Variants in ROBO2 observed in about 807,000 individuals in gnomAD.
ROBO2 encodes roundabout homolog 2.
A neutral mutation model predicts 160.8 loss-of-function variants in ROBO2; 53 were observed. The ratio of observed to expected loss-of-function variants is 0.33; its 90% CI spans 0.26 to 0.41. The LOEUF (loss-of-function observed/expected upper bound fraction) is 0.41. Among genes scored for constraint, ROBO2 ranks in the 10% least tolerant of loss-of-function variants. ROBO2 has a pLI of 1.00. For synonymous variants in ROBO2, 664 were observed against 611.7 expected, an observed-to-expected ratio of 1.09 and a Z score of -1.26; for missense variants, 1,577 against 1,722.4, an observed-to-expected ratio of 0.92 and a Z score of 1.49.
At chr3:77,461,325 C>T (rs974302653) in intron 2 of ROBO2, among the ~76,000 whole-genome samples, 1 of 151,804 alleles carries the variant, frequency 6.6e-6, no homozygotes, top group Non-Finnish European at 1.5e-5. Context: ...TGAATTTTAA[C>T]TAACATTTTA....
chr3:76,426,722 A>G (rs904661509), intron 2 of ROBO2, among the ~76,000 whole-genome samples: 13 of 151,740 alleles, frequency 8.6e-5, no homozygotes, highest in African/African-American at 3.1e-4. Context: ...GCTTGTAGGT[A>G]GAAGGATAGA....
intron 2 of ROBO2, among the ~76,000 whole-genome samples, chr3:76,791,458 T>TTTCTCTGTCTCTCA (rs2108736218): frequency 6.6e-6 from 1 of 151,772 alleles, no homozygotes; most frequent in African/African-American, 2.4e-5. Context: ...CATGTCTCTC[T>TTTCTCTGTCTCTCA]CTCTCTCTTT....
intron 2 of ROBO2, among the ~76,000 whole-genome samples, chr3:76,505,964 A>G (rs2080773907): frequency 6.6e-6 from 1 of 152,222 alleles, no homozygotes; most frequent in African/African-American, 2.4e-5. Context: ...CTATGATAGT[A>G]AGTCACATAA....
At chr3:77,475,279 G>C (rs899972918) in intron 2 of ROBO2, among the ~76,000 whole-genome samples, 2 of 152,112 alleles carry the variant, frequency 1.3e-5, no homozygotes, top group Non-Finnish European at 2.9e-5. Flanking sequence ...GTTGATGTTA[G>C]ATTTCTTGGC....
chr3:76,049,760 A>G (rs745845400), intron 2 of ROBO2, among the ~76,000 whole-genome samples: 23 of 152,058 alleles, frequency 1.5e-4, no homozygotes, highest in Non-Finnish European at 2.2e-4. Flanking sequence ...CAAACAAGGA[A>G]GATATGTGTG....
chr3:77,380,673 CTCCCTCCTTCCCTCCCTCCCTCCT>C (rs2073326660), intron 2 of ROBO2, among the ~76,000 whole-genome samples: 1 of 146,340 alleles, frequency 6.8e-6, no homozygotes, highest in South Asian at 2.3e-4. Flanking sequence ...CCCTCCCTCT[CTCCCTCCTTCCCTCCCTCCCTCCT>C]TCCCTCCCTT....
intron 2 of ROBO2, among the ~76,000 whole-genome samples, chr3:76,854,128 G>C (rs544510407): frequency 1.4e-5 from 2 of 145,158 alleles, no homozygotes; most frequent in Non-Finnish European, 3.0e-5. Flanking sequence ...CTAAAATTTT[G>C]TGCCTTGCTT....
chr3:77,340,706 T>G (rs1250546769), intron 2 of ROBO2, among the ~76,000 whole-genome samples: 1 of 152,130 alleles, frequency 6.6e-6, no homozygotes, highest in Non-Finnish European at 1.5e-5. Context: ...CTTTTGTATT[T>G]TAAAGCAGCT....
chr3:77,045,526 C>T (rs1398111543), intron 1 of ROBO2, among the ~76,000 whole-genome samples: 1 of 152,178 alleles, frequency 6.6e-6, no homozygotes, highest in Non-Finnish European at 1.5e-5. Context: ...GACGTCTTTG[C>T]TTCATGTCCA....
chr3:76,931,432 T>C (rs2077332920), intron 2 of ROBO2, among the ~76,000 whole-genome samples: 2 of 152,138 alleles, frequency 1.3e-5, no homozygotes, highest in Non-Finnish European at 2.9e-5. Flanking sequence ...CATGTGCCTC[T>C]TTTCCACCCA....
At chr3:76,987,832 G>A (rs914189250) in intron 2 of ROBO2, among the ~76,000 whole-genome samples, 1 of 151,898 alleles carries the variant, frequency 6.6e-6, no homozygotes, top group Non-Finnish European at 1.5e-5. Context: ...TTTTGTTTAC[G>A]AGAATTTTTT....
intron 1 of ROBO2, 122 bp from the exon 2 acceptor site, chr3:77,097,892 A>G: frequency 2.2e-6 from 2 of 894,462 alleles, no homozygotes; most frequent in Non-Finnish European, 3.3e-6. Flanking sequence ...ACAAAACGAA[A>G]CATAAAATAA....
At chr3:77,257,437 G>A (rs1236107667) in intron 2 of ROBO2, among the ~76,000 whole-genome samples, 1 of 152,228 alleles carries the variant, frequency 6.6e-6, no homozygotes, top group Admixed American at 6.5e-5. Context: ...AGCTGTTGTA[G>A]TCAAATGCAG....
At chr3:76,871,794 A>G (rs2072118950) in intron 2 of ROBO2, among the ~76,000 whole-genome samples, 1 of 152,180 alleles carries the variant, frequency 6.6e-6, no homozygotes. Context: ...CTAATGTGAC[A>G]ACAGTAGAAA....
At chr3:76,929,276 A>G (rs1041293765) in intron 2 of ROBO2, among the ~76,000 whole-genome samples, 7 of 152,052 alleles carry the variant, frequency 4.6e-5, no homozygotes, top group African/African-American at 1.7e-4. Flanking sequence ...AAAGAAAGAA[A>G]AGAAAGAAAA....
At chr3:76,782,269 T>C (rs2062695938) in intron 2 of ROBO2, among the ~76,000 whole-genome samples, 1 of 150,790 alleles carries the variant, frequency 6.6e-6, no homozygotes, top group Non-Finnish European at 1.5e-5. Context: ...TTTTAATCTT[T>C]CGAAATCAGT....
chr3:76,956,664 A>G (rs2079294360), intron 2 of ROBO2, among the ~76,000 whole-genome samples: 1 of 151,936 alleles, frequency 6.6e-6, no homozygotes, highest in African/African-American at 2.4e-5. Context: ...AGTTAGAAGG[A>G]AGGACATGGC....
intron 2 of ROBO2, among the ~76,000 whole-genome samples, chr3:77,344,322 G>A (rs1304241919): frequency 1.3e-5 from 2 of 152,150 alleles, no homozygotes; most frequent in Non-Finnish European, 2.9e-5. Context: ...GAGGAAAAGT[G>A]GGAGGATGCA....
chr3:76,051,752 G>A (rs1172317945), intron 2 of ROBO2, among the ~76,000 whole-genome samples: 1 of 152,052 alleles, frequency 6.6e-6, no homozygotes, highest in East Asian at 1.9e-4. Flanking sequence ...ATCATTAGTT[G>A]CCTTGCACTT....
Sources: gnomAD v4.1 joint callset for allele counts (sites outside exome capture counted in the v4.1 genomes callset) on GRCh38, gnomAD v4.1.1 for gene constraint, MANE v1.5 for transcripts, NCBI Gene and HGNC (gene_info 2026-07-23, HGNC 2026-07-21) for gene names.